PIANP: variants seen among roughly 807,000 people sequenced by gnomAD.
PIANP encodes the protein PILR alpha-associated neural protein.
PIANP carries 14 observed loss-of-function variants against 28.9 expected under a neutral mutation model. That is an observed-to-expected ratio of 0.49 (90% CI 0.32 to 0.76). The LOEUF is 0.76. Ranked by LOEUF, PIANP falls within the 30% of genes least tolerant of loss-of-function variation. PIANP has a pLI of 0.03. For missense variants in PIANP, 322 were observed against 371.8 expected, an observed-to-expected ratio of 0.87 and a Z score of 1.10; for synonymous variants, 149 against 156.6, an observed-to-expected ratio of 0.95 and a Z score of 0.36.
At position 6,695,146 on chromosome 12, in the gene PIANP, G is replaced by A; in HGVS notation, c.*280C>T. 8 of 1,510,934 alleles carry A rather than the reference G, an allele frequency of 5.3e-6. No homozygotes were observed. The highest frequency in any genetic ancestry group is 7.1e-6 in the Non-Finnish European group (8 of 1,126,688). 93.6% of individuals were successfully genotyped at this position (1,510,934 alleles called of 1,614,324 possible). A position where few individuals can be genotyped will look rare whatever the true frequency, so the allele number is the denominator to read the frequency against. ...TTCAAGACAAAGAGGGGGAATCAAG[G>A]TTAAGAGGGCAGAGTTGTCTTAGAC... On this transcript the variant is annotated 3_prime_UTR_variant, in exon 5 of 5. Coordinates refer to ENST00000534837, the MANE Select transcript of PIANP (RefSeq NM_001244014.2). This position sits in a 1 kb window ranked among gnomAD's most constrained non-coding sequence, Gnocchi z 4.2.
Position 6,697,978 on chromosome 12 carries a change from TAGGA to T in PIANP, c.17+63_17+66del. 2 of 1,545,128 alleles carry T rather than the reference TAGGA, an allele frequency of 1.3e-6. No homozygotes were observed. The highest frequency in any genetic ancestry group is 1.8e-6 in the Non-Finnish European group (2 of 1,141,594). On this transcript the variant is annotated intron_variant, in intron 2 of 4. Coordinates refer to ENST00000534837, the MANE Select transcript of PIANP (RefSeq NM_001244014.2). The surrounding 1 kb of genome is among the most constrained non-coding windows in gnomAD (Gnocchi z 6.9). The stretch of plus-strand genomic sequence containing the variant: ...AGGATGGGAAGGCTCTGGATGGGTC[TAGGA>T]AGGAAGGAGTCATGGCCCCAGGGAA...
chr12:6,699,901 C>G (rs1443325684), intron 1 of PIANP: 1 of 152,620 alleles, frequency 6.6e-6, no homozygotes, highest in Non-Finnish European at 1.5e-5. Flanking sequence ...AGGAAGAAAG[C>G]TAGAGGGAGG....
Position 6,697,890 on chromosome 12 carries a change from G to A in PIANP, c.18-98C>T. The A allele has an allele frequency of 2.7e-6, 4 of 1,506,006 alleles. No individual in the cohort carries two copies. The highest frequency in any genetic ancestry group is 2.6e-5 in the South Asian group (2 of 78,000). 93.3% of individuals were successfully genotyped at this position (1,506,006 alleles called of 1,614,324 possible). On this transcript the variant is annotated intron_variant, in intron 2 of 4. Coordinates refer to ENST00000534837, the MANE Select transcript of PIANP (RefSeq NM_001244014.2). The surrounding 1 kb of genome is among the most constrained non-coding windows in gnomAD (Gnocchi z 6.9). ...ACCAGAAACCTCCAGGTTTCCCTGT[G>A]AAAGCAGGTGGGCCTTGGGAAGACT...
chr12:6,695,280 G>A lies in PIANP; in HGVS notation c.*146C>T, dbSNP rs1197065635. 1.2e-5 allele frequency: 17 copies of A among 1,410,330 alleles called. No homozygotes were observed. Among genetic ancestry groups the A allele is most frequent in the African/African-American group, 1.4e-5 (1 of 69,170 alleles). 87.4% of individuals were successfully genotyped at this position (1,410,330 alleles called of 1,614,324 possible). Reference sequence around the variant, plus strand: ...AGAAGGAAGGGTGCCTCCCAGAGAGGAGCTGGTCCAGCCCCCTTGGGAGGG... The same window carrying A: ...AGAAGGAAGGGTGCCTCCCAGAGAGAAGCTGGTCCAGCCCCCTTGGGAGGG... On this transcript the variant is annotated 3_prime_UTR_variant, in exon 5 of 5. Coordinates refer to ENST00000534837, the MANE Select transcript of PIANP (RefSeq NM_001244014.2). This position sits in a 1 kb window ranked among gnomAD's most constrained non-coding sequence, Gnocchi z 4.2.
In PIANP at chr12:6,697,597, A is replaced by C. The variant is rs1434885821; in HGVS notation, c.213T>G (p.Pro71=). Reference sequence around the variant, plus strand: ...CTTGCCGACGTGATCTTGGGACCCGAGGAGATCGGCTTGGTGGAGGTGCTC... The same window carrying C: ...CTTGCCGACGTGATCTTGGGACCCGCGGAGATCGGCTTGGTGGAGGTGCTC... ...WERAPPPSRS[P]RVPRSRRQVL... Residue 71 remains proline (P), a synonymous_variant, in exon 3 of 5, where the codon CCT becomes CCG. Coordinates refer to ENST00000534837, the MANE Select transcript of PIANP (RefSeq NM_001244014.2). The surrounding 1 kb of genome is among the most constrained non-coding windows in gnomAD (Gnocchi z 6.9). The C allele has an allele frequency of 1.9e-6, 3 of 1,578,684 alleles. No homozygotes were observed. The highest frequency in any genetic ancestry group is 2.6e-6 in the Non-Finnish European group (3 of 1,162,780).
Position 6,696,603 on chromosome 12 carries a change from T to C in PIANP, c.524-79A>G. The C allele has an allele frequency of 9.7e-7, 1 of 1,034,146 alleles. No homozygotes were observed. Among genetic ancestry groups the C allele is most frequent in the Non-Finnish European group, 1.3e-6 (1 of 741,200 alleles). The allele number at this position is 1,034,146 out of a possible 1,614,324, so 64.1% of individuals were successfully genotyped here. ...AGGGGCTGGGGGCTGGGCTGTGGGCTCTGTCGGCTGGAGTGGCATTGCTGT... is the reference window on the plus strand; with the variant it reads ...AGGGGCTGGGGGCTGGGCTGTGGGCCCTGTCGGCTGGAGTGGCATTGCTGT... On this transcript the variant is annotated intron_variant, in intron 3 of 4. Coordinates refer to ENST00000534837, the MANE Select transcript of PIANP (RefSeq NM_001244014.2). This position sits in a 1 kb window ranked among gnomAD's most constrained non-coding sequence, Gnocchi z 4.0.
In PIANP at chr12:6,695,289, C is replaced by T; in HGVS notation, c.*137G>A. On this transcript the variant is annotated 3_prime_UTR_variant, in exon 5 of 5. Transcript: ENST00000534837. This position sits in a 1 kb window ranked among gnomAD's most constrained non-coding sequence, Gnocchi z 4.2. ...GGTGCCTCCCAGAGAGGAGCTGGTC[C>T]AGCCCCCTTGGGAGGGCCAGGGGCT... 1 of 1,408,690 alleles carries T rather than the reference C, an allele frequency of 7.1e-7. No individual in the cohort carries two copies. The highest frequency in any genetic ancestry group is 1.4e-5 in the African/African-American group (1 of 69,214). 87.3% of individuals were successfully genotyped at this position (1,408,690 alleles called of 1,614,324 possible). A position where few individuals can be genotyped will look rare whatever the true frequency, so the allele number is the denominator to read the frequency against.
intron 1 of PIANP, chr12:6,698,606 C>T (rs571873334): frequency 5.0e-5 from 8 of 159,426 alleles, no homozygotes; most frequent in African/African-American, 1.9e-4. Flanking sequence ...ATGATTAGCC[C>T]CAGGAGTCTG....
Position 6,695,219 on chromosome 12 carries a change from C to T in PIANP, c.*207G>A. The T allele has an allele frequency of 6.9e-7, 1 of 1,443,606 alleles. No homozygotes were observed. The highest frequency in any genetic ancestry group is 9.2e-7 in the Non-Finnish European group (1 of 1,091,324). 89.4% of individuals were successfully genotyped at this position (1,443,606 alleles called of 1,614,324 possible). ...AAGAGGGCAGAGTTGGAGTTATGGGCAGCAGAGAATAGGACACAGATCCTG... is the reference window on the plus strand; with the variant it reads ...AAGAGGGCAGAGTTGGAGTTATGGGTAGCAGAGAATAGGACACAGATCCTG... On this transcript the variant is annotated 3_prime_UTR_variant, in exon 5 of 5. Coordinates refer to ENST00000534837, the MANE Select transcript of PIANP (RefSeq NM_001244014.2). This position sits in a 1 kb window ranked among gnomAD's most constrained non-coding sequence, Gnocchi z 4.2.
Position 6,696,512 on chromosome 12 carries a change from T to C in PIANP, c.536A>G (p.Gln179Arg). 6.3e-7 allele frequency: 1 copy of C among 1,598,794 alleles called. No homozygotes were observed. The highest frequency in any genetic ancestry group is 8.5e-7 in the Non-Finnish European group (1 of 1,173,134). Residue 179 changes from glutamine (Q) to arginine (R), a missense_variant, in exon 4 of 5, where the codon CAG becomes CGG. Coordinates refer to ENST00000534837, the MANE Select transcript of PIANP (RefSeq NM_001244014.2). The surrounding 1 kb of genome is among the most constrained non-coding windows in gnomAD (Gnocchi z 4.0). Reference protein sequence around the residue: ...FGGRGEGVDPQLYVTITISII... With the variant: ...FGGRGEGVDPRLYVTITISII... ...GGAGATGGTAATTGTGACATAGAGC[T>C]GGGGGTCCACACCTGATTGGGGTGG...
chr12:6,696,640 C>CAGCAA lies in PIANP; in HGVS notation c.524-117_524-116insTTGCT. 1.6e-6 allele frequency: 1 copy of CAGCAA among 615,218 alleles called. No homozygotes were observed. The highest frequency in any genetic ancestry group is 2.6e-6 in the Non-Finnish European group (1 of 381,928). The allele number at this position is 615,218 out of a possible 1,614,324, so 38.1% of individuals were successfully genotyped here. On this transcript the variant is annotated intron_variant, in intron 3 of 4. Transcript: ENST00000534837. The surrounding 1 kb of genome is among the most constrained non-coding windows in gnomAD (Gnocchi z 4.0). ...AGTGGCATTGCTGTGTGGATCCACA[C>CAGCAA]TGCCGGCTCTGTCTGCCCCTCTGGA...
rs893573718 is a variant in PIANP, at chr12:6,695,128, CAA to C, written c.*296_*297del. 5.9e-6 allele frequency: 9 copies of C among 1,525,016 alleles called. No individual in the cohort carries two copies. Among genetic ancestry groups the C allele is most frequent in the African/African-American group, 2.8e-5 (2 of 72,114 alleles). The allele number at this position is 1,525,016 out of a possible 1,614,324, so 94.5% of individuals were successfully genotyped here. A position where few individuals can be genotyped will look rare whatever the true frequency, so the allele number is the denominator to read the frequency against. On this transcript the variant is annotated 3_prime_UTR_variant, in exon 5 of 5. Coordinates refer to ENST00000534837, the MANE Select transcript of PIANP (RefSeq NM_001244014.2). The surrounding 1 kb of genome is among the most constrained non-coding windows in gnomAD (Gnocchi z 4.2). ...CCAGAATAGAAGGGGAAGTTCAAGACAAAGAGGGGGAATCAAGGTTAAGAGGG... is the reference window on the plus strand; with the variant it reads ...CCAGAATAGAAGGGGAAGTTCAAGACAGAGGGGGAATCAAGGTTAAGAGGG...
In PIANP at chr12:6,697,974, G is replaced by C. The variant is rs1329464701; in HGVS notation, c.17+71C>G. 4 of 1,541,266 alleles carry C rather than the reference G, an allele frequency of 2.6e-6. No individual in the cohort carries two copies. The highest frequency in any genetic ancestry group is 2.0e-5 in the Admixed American group (1 of 50,978). ...CCTCAGGATGGGAAGGCTCTGGATGGGTCTAGGAAGGAAGGAGTCATGGCC... is the reference window on the plus strand; with the variant it reads ...CCTCAGGATGGGAAGGCTCTGGATGCGTCTAGGAAGGAAGGAGTCATGGCC... On this transcript the variant is annotated intron_variant, in intron 2 of 4. Coordinates refer to ENST00000534837, the MANE Select transcript of PIANP (RefSeq NM_001244014.2). The surrounding 1 kb of genome is among the most constrained non-coding windows in gnomAD (Gnocchi z 6.9).
rs766393442 is a variant in PIANP at position 6,697,700 on chromosome 12, C to T, written c.110G>A (p.Arg37Gln). Residue 37 changes from arginine (R) to glutamine (Q), a missense_variant, in exon 3 of 5, where the codon CGA becomes CAA. By Grantham distance (43) the Arg-to-Gln change is conservative. Transcript: ENST00000534837. This position sits in a 1 kb window ranked among gnomAD's most constrained non-coding sequence, Gnocchi z 6.9. ...PPAQGSSSSP[R>Q]TPPAPARPPC... Reference sequence around the variant, plus strand: ...GGGGCGGGCTGGGGCTGGTGGGGTTCGAGGGGAGGATGAAGAGCCCTGAGC... The same window carrying T: ...GGGGCGGGCTGGGGCTGGTGGGGTTTGAGGGGAGGATGAAGAGCCCTGAGC... 5.1e-6 allele frequency: 8 copies of T among 1,554,926 alleles called. No individual in the cohort carries two copies. The highest frequency in any genetic ancestry group is 2.4e-5 in the East Asian group (1 of 42,086).
Position 6,697,950 on chromosome 12 carries a change from C to G in PIANP, c.17+95G>C. On this transcript the variant is annotated intron_variant, in intron 2 of 4. Transcript: ENST00000534837. This position sits in a 1 kb window ranked among gnomAD's most constrained non-coding sequence, Gnocchi z 6.9. ...TCCCATCTTCCAAAGGAGGATGGCC[C>G]TCAGGATGGGAAGGCTCTGGATGGG... is the stretch of plus-strand genomic sequence containing the variant. 1.3e-6 allele frequency: 2 copies of G among 1,527,984 alleles called. No homozygotes were observed. Among genetic ancestry groups the G allele is most frequent in the South Asian group, 1.2e-5 (1 of 83,390 alleles). 94.7% of individuals were successfully genotyped at this position (1,527,984 alleles called of 1,614,324 possible). A position where few individuals can be genotyped will look rare whatever the true frequency, so the allele number is the denominator to read the frequency against.
At position 6,695,914 on chromosome 12, in the gene PIANP, C is replaced by T. The variant is rs1211129590; in HGVS notation, c.606-263G>A. 2.0e-5 allele frequency among the ~76,000 whole-genome samples: 3 copies of T among 152,224 alleles called. No individual in the cohort carries two copies. The highest frequency in any genetic ancestry group is 1.9e-4 in the East Asian group (1 of 5,180). ...GATCGACAAAATTAATATCCCCTCC[C>T]CACCACCACAATGTCCTCTCCCCTA... On this transcript the variant is annotated intron_variant, in intron 4 of 4. Transcript: ENST00000534837. This position sits in a 1 kb window ranked among gnomAD's most constrained non-coding sequence, Gnocchi z 4.2.
chr12:6,694,695 G>GAACA lies in PIANP; in HGVS notation c.*727_*730dup, dbSNP rs1481456655. ...GAGAGAGTGCAAATGTGAGACGAGA[G>GAACA]AACATGAGAGTCAGCTGAGCGGAGC... On this transcript the variant is annotated 3_prime_UTR_variant, in exon 5 of 5. Coordinates refer to ENST00000534837, the MANE Select transcript of PIANP (RefSeq NM_001244014.2). This position sits in a 1 kb window ranked among gnomAD's most constrained non-coding sequence, Gnocchi z 6.1. 3.5e-6 allele frequency: 1 copy of GAACA among 284,298 alleles called. No homozygotes were observed. Among genetic ancestry groups the GAACA allele is most frequent in the Admixed American group, 5.1e-5 (1 of 19,756 alleles). The allele number at this position is 284,298 out of a possible 1,614,324, so 17.6% of individuals were successfully genotyped here. A position where few individuals can be genotyped will look rare whatever the true frequency, so the allele number is the denominator to read the frequency against.
Position 6,694,911 on chromosome 12 carries a change from G to A in PIANP, c.*515C>T. On this transcript the variant is annotated 3_prime_UTR_variant, in exon 5 of 5. Coordinates refer to ENST00000534837, the MANE Select transcript of PIANP (RefSeq NM_001244014.2). The surrounding 1 kb of genome is among the most constrained non-coding windows in gnomAD (Gnocchi z 6.1). ...GGGGCTGGGGAGTGTTCCGGGTGGTGTGCAAGGGGCAGGAGCCAGGAGCCC... is the reference window on the plus strand; with the variant it reads ...GGGGCTGGGGAGTGTTCCGGGTGGTATGCAAGGGGCAGGAGCCAGGAGCCC... 3.3e-6 allele frequency: 4 copies of A among 1,212,482 alleles called. No individual in the cohort carries two copies. The highest frequency in any genetic ancestry group is 2.6e-5 in the East Asian group (1 of 38,022). The allele number at this position is 1,212,482 out of a possible 1,614,324, so 75.1% of individuals were successfully genotyped here. A position where few individuals can be genotyped will look rare whatever the true frequency, so the allele number is the denominator to read the frequency against.
Position 6,697,682 on chromosome 12 carries a change from G to T in PIANP, c.128C>A (p.Ala43Asp). Residue 43 changes from alanine to aspartate, a missense_variant, in exon 3 of 5, where the codon GCC becomes GAC. Ala to Asp is a moderately radical substitution (Grantham distance 126, BLOSUM62 -2). Coordinates refer to ENST00000534837, the MANE Select transcript of PIANP (RefSeq NM_001244014.2). The surrounding 1 kb of genome is among the most constrained non-coding windows in gnomAD (Gnocchi z 6.9). ...SSSPRTPPAPARPPCARGGPS... is the reference protein window; with the variant it reads ...SSSPRTPPAPDRPPCARGGPS... ...GCCTCCCCTGGCACACGGGGGGCGG[G>T]CTGGGGCTGGTGGGGTTCGAGGGGA... 1 of 1,555,912 alleles carries T rather than the reference G, an allele frequency of 6.4e-7. No homozygotes were observed. The highest frequency in any genetic ancestry group is 8.7e-7 in the Non-Finnish European group (1 of 1,150,524).
Sources: allele counts gnomAD v4.1 joint callset (sites outside exome capture counted in the v4.1 genomes callset), GRCh38; gene constraint gnomAD v4.1.1; non-coding constraint Gnocchi (gnomAD v3.1); transcripts MANE v1.5; gene names NCBI Gene and HGNC (gene_info 2026-07-23, HGNC 2026-07-21).